The following BUB1 variants were observed in gnomAD, a reference collection of about 807,000 sequenced individuals.
The protein encoded by BUB1 is BUB1 mitotic checkpoint serine/threonine kinase.
BUB1 carries 84 observed loss-of-function variants against 135.2 expected under a neutral mutation model. The observed-to-expected ratio is 0.62, with a 90% CI of 0.52 to 0.74. The LOEUF (loss-of-function observed/expected upper bound fraction) is 0.74, where lower values mean the gene tolerates loss of function less well. BUB1 is among the 30% of genes least tolerant of loss of function. The probability of loss-of-function intolerance (pLI) is 0.00; values close to 1 mark genes in which losing one functional copy is unlikely to be tolerated. For missense variants in BUB1, 1,162 were observed against 1,288.3 expected, an observed-to-expected ratio of 0.90 and a Z score of 1.50; for synonymous variants, 403 against 434.4, an observed-to-expected ratio of 0.93 and a Z score of 0.90.
At chr2:110,660,787 T>C (rs1441488676) in intron 10 of BUB1, 2 of 152,166 alleles carry the variant, frequency 1.3e-5, no homozygotes, top group Admixed American at 6.5e-5. Flanking sequence ...ACCTTTGCTG[T>C]GATAAGCCAG....
intron 16 of BUB1, among the ~76,000 whole-genome samples, 194 bp from the exon 17 acceptor site, chr2:110,653,717 A>C (rs1203583031): frequency 1.3e-5 from 2 of 152,156 alleles, no homozygotes; most frequent in Admixed American, 1.3e-4. Flanking sequence ...AAAAAAATCC[A>C]CTACTGGCCA....
Position 110,666,193 on chromosome 2 carries a change from T to C in BUB1, c.957+70A>G, listed in dbSNP as rs924738488. ...TCAGAATTAACTCTAAAACAGCACA[T>C]AGAAAGGAACAAATCAAACTGCCAT... On this transcript the variant is annotated intron_variant, in intron 9 of 24. Transcript: ENST00000302759. 1.1e-5 allele frequency: 14 copies of C among 1,291,848 alleles called. No homozygotes were observed. In the Admixed American group the frequency reaches 3.1e-4, roughly 29 times the overall value. 80.0% of individuals were successfully genotyped at this position (1,291,848 alleles called of 1,614,324 possible). A position where few individuals can be genotyped will look rare whatever the true frequency, so the allele number is the denominator to read the frequency against.
At position 110,671,261 on chromosome 2, in the gene BUB1, G is replaced by A. The variant is rs541633428; in HGVS notation, c.423-693C>T. Among the ~76,000 whole-genome samples, 23 of 152,268 alleles carry A rather than the reference G, an allele frequency of 1.5e-4. No homozygotes were observed. In the South Asian group the frequency reaches 2.9e-3, roughly 19 times the overall value. ...GTTAGTTTTCTTAGGTATGATTATC[G>A]AATAAGGCTCTGTAAGAAATAAGAT... On this transcript the variant is annotated intron_variant, in intron 4 of 24. Coordinates refer to ENST00000302759, the MANE Select transcript of BUB1 (RefSeq NM_004336.5).
intron 19 of BUB1, among the ~76,000 whole-genome samples, chr2:110,645,254 T>C (rs1337551812): frequency 6.6e-6 from 1 of 151,804 alleles, no homozygotes; most frequent in East Asian, 1.9e-4. Flanking sequence ...ACCAATATGG[T>C]GAAACCCTGT....
At chr2:110,639,366 CA>C in intron 24 of BUB1, among the ~76,000 whole-genome samples, 1 of 111,682 alleles carries the variant, frequency 9.0e-6, no homozygotes, top group Non-Finnish European at 1.8e-5. Context: ...AAATATCTGA[CA>C]AAAATAGGAT....
In BUB1 at chr2:110,672,762, C is replaced by G; in HGVS notation, c.321G>C (p.Gly107=). The G allele has an allele frequency of 6.2e-7, 1 of 1,614,122 alleles. No homozygotes were observed. The highest frequency in any genetic ancestry group is 8.5e-7 in the Non-Finnish European group (1 of 1,180,012). ...GCAGCTCTCCTTGGGCTTCCAGATG[C>G]CCCGCCCAGGCAATGTACAGAGGGG... ...LSSPLYIAWA[G]HLEAQGELQH... Residue 107 remains glycine (G), a synonymous_variant, in exon 4 of 25, where the codon GGG becomes GGC. Transcript: ENST00000302759.
intron 8 of BUB1, 143 bp from the exon 9 acceptor site, chr2:110,666,557 T>C (rs1028614049): frequency 3.6e-6 from 2 of 562,804 alleles, no homozygotes; most frequent in Admixed American, 8.7e-5. Context: ...GAAGTGAAAC[T>C]TGTATTACCT....
chr2:110,659,874 G>A, intron 11 of BUB1, 104 bp downstream of exon 11: 1 of 785,070 alleles, frequency 1.3e-6, no homozygotes, highest in Non-Finnish European at 2.0e-6. Context: ...TAACACTCAG[G>A]TTCATTAAGG....
At chr2:110,643,746 C>T (rs941400217) in intron 19 of BUB1, among the ~76,000 whole-genome samples, 1 of 152,100 alleles carries the variant, frequency 6.6e-6, no homozygotes, top group Non-Finnish European at 1.5e-5. Context: ...CTCAAGTGAT[C>T]ATCCTACCTC....
chr2:110,665,341 G>A (rs941285235), intron 9 of BUB1, among the ~76,000 whole-genome samples: 2 of 152,140 alleles, frequency 1.3e-5, no homozygotes, highest in South Asian at 2.1e-4. Context: ...ACTTTGGGAG[G>A]CTGAGGCAAG....
intron 24 of BUB1, among the ~76,000 whole-genome samples, chr2:110,638,849 T>A (rs1027145898): frequency 5.9e-5 from 9 of 152,236 alleles, no homozygotes; most frequent in Admixed American, 4.6e-4. Flanking sequence ...ATAGTTGTTA[T>A]AAGCTTTCCT....
chr2:110,666,113 G>T, intron 9 of BUB1, 150 bp downstream of exon 9: 1 of 737,990 alleles, frequency 1.4e-6, no homozygotes, highest in Non-Finnish European at 1.9e-6. Flanking sequence ...TCTACATTGT[G>T]AACGTCTATG....
At chr2:110,677,932 C>A in intron 1 of BUB1, 38 bp downstream of exon 1, 2 of 1,596,790 alleles carry the variant, frequency 1.3e-6, no homozygotes, top group Non-Finnish European at 1.7e-6. Flanking sequence ...GGCGCCCCAG[C>A]CCCCTGGGCT....
intron 9 of BUB1, among the ~76,000 whole-genome samples, chr2:110,663,885 C>A (rs1471283359): frequency 6.6e-6 from 1 of 151,766 alleles, no homozygotes; most frequent in Non-Finnish European, 1.5e-5. Context: ...AAAAATTAGC[C>A]AGGCATGGTG....
chr2:110,664,026 C>CA (rs77906765), intron 9 of BUB1, among the ~76,000 whole-genome samples: 1,062 of 41,564 alleles, frequency 0.026, 11 homozygotes, highest in Non-Finnish European at 0.032. Flanking sequence ...GACTCCATCT[C>CA]AAAAAAAAAA....
chr2:110,674,261 C>T (rs1690511831), intron 2 of BUB1, 37 bp from the exon 3 acceptor site: 2 of 1,612,518 alleles, frequency 1.2e-6, no homozygotes, highest in Non-Finnish European at 1.7e-6. Flanking sequence ...TTCCATGGGG[C>T]AGTGTATAGT....
chr2:110,656,046 T>C (rs1689926187), intron 15 of BUB1, 130 bp from the exon 16 acceptor site: 1 of 789,116 alleles, frequency 1.3e-6, no homozygotes, highest in Non-Finnish European at 2.0e-6. Flanking sequence ...CCCTGGCTAA[T>C]ACAGCCCACA....
chr2:110,653,707 A>C (rs964002254), intron 16 of BUB1, among the ~76,000 whole-genome samples, 184 bp from the exon 17 acceptor site: 6 of 152,164 alleles, frequency 3.9e-5, no homozygotes, highest in African/African-American at 1.4e-4. Context: ...AAATCACTTT[A>C]AAAAAATCCA....
Position 110,639,861 on chromosome 2 carries a change from T to TA in BUB1, c.2956-14dup. 1 of 1,589,934 alleles carries TA rather than the reference T, an allele frequency of 6.3e-7. No homozygotes were observed. Among genetic ancestry groups the TA allele is most frequent in the Non-Finnish European group, 8.6e-7 (1 of 1,158,008 alleles). ...CAAAGTAATCGATCTATGAAGAAGA[T>TA]AGAGGTATATATGACTTAAATAGTA... On this transcript the variant is annotated splice_polypyrimidine_tract_variant and intron_variant, in intron 23 of 24. Transcript: ENST00000302759.
Sources: gnomAD v4.1 joint callset for allele counts (sites outside exome capture counted in the v4.1 genomes callset) on GRCh38, gnomAD v4.1.1 for gene constraint, MANE v1.5 for transcripts, NCBI Gene and HGNC (gene_info 2026-07-23, HGNC 2026-07-21) for gene names.